DPP6: variants seen among roughly 807,000 people sequenced by gnomAD.
DPP6 encodes A-type potassium channel modulatory protein DPP6.
A neutral mutation model predicts 122.6 loss-of-function variants in DPP6; 69 were observed. The observed-to-expected ratio is 0.56, with a 90% CI of 0.46 to 0.69. The LOEUF (loss-of-function observed/expected upper bound fraction) is 0.69, where lower values mean the gene tolerates loss of function less well. Ranked by LOEUF, DPP6 falls within the 30% of genes least tolerant of loss-of-function variation. The pLI is 0.00. For synonymous variants in DPP6, 418 were observed against 433.1 expected (o/e 0.97, Z 0.43); for missense variants, 928 against 1,116.9 (o/e 0.83, Z 2.41).
intron 1 of DPP6, among the ~76,000 whole-genome samples, chr7:153,942,819 C>G (rs1801760215): frequency 6.6e-6 from 1 of 152,186 alleles, no homozygotes; most frequent in Non-Finnish European, 1.5e-5. Flanking sequence ...TCTTCCCTGC[C>G]ACCTCATCAG....
the DPP6 span, among the ~76,000 whole-genome samples, chr7:153,845,994 T>C: frequency 6.6e-6 from 1 of 152,218 alleles, no homozygotes; most frequent in Non-Finnish European, 1.5e-5. Flanking sequence ...GTCTCTCTGA[T>C]AAATACATAA....
intron 7 of DPP6, among the ~76,000 whole-genome samples, chr7:154,706,345 G>A (rs576649198): frequency 1.3e-5 from 2 of 152,236 alleles, no homozygotes; most frequent in East Asian, 1.9e-4. Context: ...CTGCTCACCC[G>A]TAGATCTCAG....
chr7:154,823,879 A>T (rs753202021), intron 16 of DPP6, among the ~76,000 whole-genome samples: 1 of 152,230 alleles, frequency 6.6e-6, no homozygotes, highest in Non-Finnish European at 1.5e-5. Flanking sequence ...TCTCTGCTCC[A>T]TGCAGTGGTG....
Position 154,063,424 on chromosome 7 carries a change from G to A in DPP6, c.243+10361G>A, listed in dbSNP as rs372291549. 9.8e-3 allele frequency among the ~76,000 whole-genome samples: 624 copies of A among 63,702 alleles called. 1 individual carries two copies. Among genetic ancestry groups the A allele is most frequent in the Middle Eastern group, 0.038 (3 of 78 alleles). The allele number at this position is 63,702 out of a possible 152,430, so 41.8% of individuals were successfully genotyped here. A position where few individuals can be genotyped will look rare whatever the true frequency, so the allele number is the denominator to read the frequency against. ...ATCCCCTCTTCCGCCCCTGGCTGTT[G>A]GTACCCCCATCGCAAGGGGGGGAGG... On this transcript the variant is annotated intron_variant, in intron 1 of 25. Transcript: ENST00000377770.
the DPP6 span, among the ~76,000 whole-genome samples, chr7:153,820,726 C>A: frequency 6.6e-6 from 1 of 152,006 alleles, no homozygotes; most frequent in South Asian, 2.1e-4. Context: ...GAGCAAGTTT[C>A]TTCCAAAATG....
chr7:154,644,772 G>A (rs911323681), intron 6 of DPP6, among the ~76,000 whole-genome samples: 6 of 148,718 alleles, frequency 4.0e-5, no homozygotes, highest in Non-Finnish European at 8.9e-5. Context: ...GCAGTGGCGC[G>A]ATCTCGGCTC....
chr7:154,500,413 G>A (rs1034667807), intron 3 of DPP6, among the ~76,000 whole-genome samples: 3 of 152,142 alleles, frequency 2.0e-5, no homozygotes, highest in South Asian at 2.1e-4. Context: ...TTATAATATG[G>A]TTTCGCTGTG....
At chr7:153,950,862 G>A (rs988113236) in intron 1 of DPP6, among the ~76,000 whole-genome samples, 5 of 152,140 alleles carry the variant, frequency 3.3e-5, no homozygotes, top group East Asian at 3.9e-4. Context: ...CATAGAGGTC[G>A]AACCTGAAGA....
chr7:153,757,802 C>T, the DPP6 span, among the ~76,000 whole-genome samples: 2 of 151,988 alleles, frequency 1.3e-5, no homozygotes, highest in Non-Finnish European at 2.9e-5. Context: ...TACTAAAATA[C>T]AAAAATTAGC....
the DPP6 span, among the ~76,000 whole-genome samples, chr7:153,813,363 T>A: frequency 1.3e-5 from 2 of 152,216 alleles, no homozygotes; most frequent in South Asian, 2.1e-4. Flanking sequence ...AACTCATCAT[T>A]TTTATGGCTG....
At chr7:153,781,608 G>A in the DPP6 span, among the ~76,000 whole-genome samples, 1 of 152,132 alleles carries the variant, frequency 6.6e-6, no homozygotes, top group Non-Finnish European at 1.5e-5. Flanking sequence ...TTAGGAGAGA[G>A]GGAAGGTAGA....
At chr7:154,678,667 A>G (rs1280444420) in intron 7 of DPP6, among the ~76,000 whole-genome samples, 1 of 152,246 alleles carries the variant, frequency 6.6e-6, no homozygotes, top group Non-Finnish European at 1.5e-5. Flanking sequence ...AATTCCGGAG[A>G]AACTTGTTTT....
At chr7:154,581,067 G>GT (rs1201622749) in intron 5 of DPP6, among the ~76,000 whole-genome samples, 1 of 151,974 alleles carries the variant, frequency 6.6e-6, no homozygotes, top group Non-Finnish European at 1.5e-5. Context: ...TTTCTTGGAA[G>GT]TTTTTTAAGT....
intron 1 of DPP6, among the ~76,000 whole-genome samples, chr7:154,430,657 T>C (rs937184287): frequency 2.0e-5 from 3 of 152,114 alleles, no homozygotes; most frequent in Admixed American, 6.5e-5. Flanking sequence ...GCAACACAGG[T>C]GCCCTTTGGT....
chr7:153,852,410 C>T, the DPP6 span, among the ~76,000 whole-genome samples: 35 of 152,060 alleles, frequency 2.3e-4, 2 homozygotes, highest in Admixed American at 9.8e-4. Flanking sequence ...CTCATATGGC[C>T]GGAGCAGGAG....
chr7:154,741,063 T>C (rs891681670), intron 8 of DPP6, among the ~76,000 whole-genome samples: 1 of 152,186 alleles, frequency 6.6e-6, no homozygotes, highest in African/African-American at 2.4e-5. Context: ...GGAGAGGACA[T>C]ACCCTTCGTC....
intron 2 of DPP6, among the ~76,000 whole-genome samples, chr7:154,454,578 T>A (rs1404590546): frequency 6.6e-6 from 1 of 152,088 alleles, no homozygotes; most frequent in Non-Finnish European, 1.5e-5. Flanking sequence ...GAGGACAGTC[T>A]GGCCAGGAAG....
At chr7:154,022,890 AGAACCC>A in intron 1 of DPP6, among the ~76,000 whole-genome samples, 6 of 152,216 alleles carry the variant, frequency 3.9e-5, no homozygotes, top group Non-Finnish European at 7.3e-5. Context: ...AAGAGCGGGG[AGAACCC>A]AACTGCCAAC....
chr7:154,590,683 T>C (rs1047551226), intron 5 of DPP6, among the ~76,000 whole-genome samples: 1 of 149,988 alleles, frequency 6.7e-6, no homozygotes, highest in African/African-American at 2.5e-5. Flanking sequence ...TACAGGCATG[T>C]GCCACCACAC....
Sources: allele counts gnomAD v4.1 joint callset (sites outside exome capture counted in the v4.1 genomes callset), GRCh38; gene constraint gnomAD v4.1.1; transcripts MANE v1.5; gene names NCBI Gene and HGNC (gene_info 2026-07-23, HGNC 2026-07-21).